CYBA: variants seen among roughly 807,000 people sequenced by gnomAD.
CYBA encodes cytochrome b-245 alpha chain.
A neutral mutation model predicts 20.8 loss-of-function variants in CYBA; 21 were observed. The observed-to-expected ratio is 1.01, with a 90% CI of 0.72 to 1.46. CYBA has a LOEUF of 1.46. Among genes scored for constraint, CYBA ranks in the 40% most tolerant of loss-of-function variants. CYBA has a pLI of 0.00. For synonymous variants in CYBA, 164 were observed against 127.5 expected (o/e 1.29, Z -1.93); for missense variants, 344 against 287.0 (o/e 1.20, Z -1.43).
Position 88,646,210 on chromosome 16 carries a change from G to A in CYBA, c.288-13C>T, listed in dbSNP as rs13306295. The A allele has an allele frequency of 6.2e-5, 87 of 1,413,154 alleles. No homozygotes were observed. Among genetic ancestry groups the A allele is most frequent in the Middle Eastern group, 5.4e-4 (3 of 5,584 alleles). The allele number at this position is 1,413,154 out of a possible 1,614,324, so 87.5% of individuals were successfully genotyped here. A position where few individuals can be genotyped will look rare whatever the true frequency, so the allele number is the denominator to read the frequency against. ...GGGCACCGAGAGCCTGGGGGACAGC[G>A]GGTGAGAGGCAGGGACACAGAAGGG... On this transcript the variant is annotated splice_polypyrimidine_tract_variant and intron_variant, in intron 4 of 5. Coordinates refer to ENST00000261623, the MANE Select transcript of CYBA (RefSeq NM_000101.4).
chr16:88,650,285 C>T, intron 1 of CYBA: 1 of 433,902 alleles, frequency 2.3e-6, no homozygotes, highest in Non-Finnish European at 4.7e-6. Flanking sequence ...TGGCCCTGGT[C>T]CCGAGAGGGT....
intron 1 of CYBA, chr16:88,650,516 C>G (rs1156530487): frequency 2.1e-6 from 1 of 474,388 alleles, no homozygotes; most frequent in African/African-American, 2.0e-5. Context: ...AGCCCATTCC[C>G]CACCCCAAGC....
At chr16:88,648,297 C>A (rs1028755666) in intron 1 of CYBA, among the ~76,000 whole-genome samples, 183 bp from the exon 2 acceptor site, 1 of 152,208 alleles carries the variant, frequency 6.6e-6, no homozygotes, top group African/African-American at 2.4e-5. Context: ...AAGAGCAGAG[C>A]CTGTGGCGCA....
At chr16:88,645,988 G>T in intron 5 of CYBA, 128 bp downstream of exon 5, 1 of 790,038 alleles carries the variant, frequency 1.3e-6, no homozygotes, top group Non-Finnish European at 2.1e-6. Flanking sequence ...ACACGCCCAG[G>T]CTCACACTTG....
chr16:88,646,687 T>C (rs1225723041), intron 4 of CYBA, 68 bp downstream of exon 4: 4 of 1,417,996 alleles, frequency 2.8e-6, no homozygotes, highest in Non-Finnish European at 3.0e-6. Context: ...GCCCGGCCGG[T>C]GGGACAGTGG....
chr16:88,647,933 T>C, intron 2 of CYBA, 112 bp downstream of exon 2: 3 of 1,076,928 alleles, frequency 2.8e-6, no homozygotes, highest in Non-Finnish European at 4.1e-6. Context: ...CCACCCTGTG[T>C]CCCAGCCTGG....
At chr16:88,644,635 C>T (rs951374746) in intron 5 of CYBA, 1 of 166,116 alleles carries the variant, frequency 6.0e-6, no homozygotes, top group African/African-American at 2.4e-5. Context: ...ACCATCCTGG[C>T]TAACGCGGTG....
At position 88,643,375 on chromosome 16, in the gene CYBA, G is replaced by C. The variant is rs746724477; in HGVS notation, c.566C>G (p.Pro189Arg). The stretch of plus-strand genomic sequence containing the variant: ...AGGTCACACGACCTCGTCGGTCACC[G>C]GGATGGGGTTGACCTGGGGACCTCC... ...PPGGPQVNPI[P>R]VTDEVV Residue 189 changes from proline to arginine, a missense_variant, in exon 6 of 6, where the codon CCG becomes CGG. Physicochemically the swap from Pro to Arg is moderately radical, Grantham distance 103. Coordinates refer to ENST00000261623, the MANE Select transcript of CYBA (RefSeq NM_000101.4). The surrounding 1 kb of genome is among the most constrained non-coding windows in gnomAD (Gnocchi z 4.3). 150 of 1,530,720 alleles carry C rather than the reference G, an allele frequency of 9.8e-5. No individual in the cohort carries two copies. Among genetic ancestry groups the C allele is most frequent in the Non-Finnish European group, 7.9e-6 (9 of 1,141,246 alleles). 94.8% of individuals were successfully genotyped at this position (1,530,720 alleles called of 1,614,324 possible).
chr16:88,645,974 G>C, intron 5 of CYBA, 142 bp downstream of exon 5: 1 of 716,382 alleles, frequency 1.4e-6, no homozygotes, highest in Non-Finnish European at 2.4e-6. Context: ...GCCGTGCTGT[G>C]AGCACACGCC....
chr16:88,645,562 G>T, intron 5 of CYBA: 1 of 635,520 alleles, frequency 1.6e-6, no homozygotes, highest in Non-Finnish European at 2.8e-6. Flanking sequence ...CCAAGGCCTG[G>T]CCAGGCTGCG....
intron 1 of CYBA, among the ~76,000 whole-genome samples, chr16:88,649,061 C>T (rs1907401872): frequency 6.6e-6 from 1 of 151,946 alleles, no homozygotes; most frequent in Non-Finnish European, 1.5e-5. Flanking sequence ...CCTCAGCCTC[C>T]CGAGTAGCTG....
At chr16:88,645,362 C>G in intron 5 of CYBA, 1 of 702,462 alleles carries the variant, frequency 1.4e-6, no homozygotes, top group Non-Finnish European at 2.6e-6. Context: ...ACCTTTCCCA[C>G]GCACACACAC....
intron 5 of CYBA, among the ~76,000 whole-genome samples, chr16:88,644,480 G>T (rs3794623): frequency 0.51 from 77,604 of 151,800 alleles, 20,042 homozygotes; most frequent in East Asian, 0.73. Context: ...GTGTTTAAAG[G>T]TTACAAAGGC....
chr16:88,646,552 G>A (rs1907290288), intron 4 of CYBA: 1 of 703,746 alleles, frequency 1.4e-6, no homozygotes, highest in Non-Finnish European at 2.6e-6. Flanking sequence ...GAGCTCCTCG[G>A]ATTTGGAGTG....
intron 1 of CYBA, among the ~76,000 whole-genome samples, chr16:88,648,888 G>A (rs1024890143): frequency 1.1e-4 from 17 of 150,914 alleles, no homozygotes; most frequent in Non-Finnish European, 1.5e-4. Context: ...CAGAGTGTTG[G>A]GATTACAGGC....
chr16:88,648,419 T>A lies in CYBA; in HGVS notation c.59-305A>T, dbSNP rs537984397. Reference sequence around the variant, plus strand: ...CTCTGGGACCCCCAAATGGACCCCCTTGTCACCATGAGTCTTTGTTTGATG... The same window carrying A: ...CTCTGGGACCCCCAAATGGACCCCCATGTCACCATGAGTCTTTGTTTGATG... On this transcript the variant is annotated intron_variant, in intron 1 of 5. Coordinates refer to ENST00000261623, the MANE Select transcript of CYBA (RefSeq NM_000101.4). Among the ~76,000 whole-genome samples the A allele has an allele frequency of 3.9e-5, 6 of 152,202 alleles. No individual in the cohort carries two copies. In the South Asian group the frequency reaches 1.2e-3, roughly 32 times the overall value.
intron 5 of CYBA, chr16:88,645,499 G>A (rs950396307): frequency 2.9e-6 from 2 of 687,948 alleles, no homozygotes; most frequent in South Asian, 3.0e-5. Flanking sequence ...CGCAGTGAGA[G>A]GTGGCCTGCA....
intron 1 of CYBA, among the ~76,000 whole-genome samples, chr16:88,648,918 C>G (rs1907394300): frequency 1.4e-5 from 2 of 143,670 alleles, no homozygotes; most frequent in African/African-American, 2.6e-5. Flanking sequence ...GGCGCCTGGT[C>G]CTTCCTACTA....
intron 5 of CYBA, chr16:88,645,421 G>T: frequency 1.4e-6 from 1 of 702,344 alleles, no homozygotes; most frequent in South Asian, 1.5e-5. Flanking sequence ...GGGCAGGAGG[G>T]ACTTGGCTCT....
Sources: gnomAD v4.1 joint callset for allele counts (sites outside exome capture counted in the v4.1 genomes callset) on GRCh38, gnomAD v4.1.1 for gene constraint, Gnocchi (gnomAD v3.1) non-coding constraint, MANE v1.5 for transcripts, NCBI Gene and HGNC (gene_info 2026-07-23, HGNC 2026-07-21) for gene names.